Variants in PLBD1 observed in about 807,000 individuals in gnomAD.
The protein encoded by PLBD1 is phospholipase B domain containing 1.
A neutral mutation model predicts 63.0 loss-of-function variants in PLBD1; 60 were observed. The observed-to-expected ratio is 0.95, with a 90% CI of 0.77 to 1.18. PLBD1 has a LOEUF of 1.18. Ranked by LOEUF, PLBD1 falls within the 50% of genes most tolerant of loss-of-function variation. The pLI, the probability that PLBD1 is intolerant of heterozygous loss-of-function variation, is 0.00. For synonymous variants in PLBD1, 262 were observed against 248.0 expected, an observed-to-expected ratio of 1.06 and a Z score of -0.53; for missense variants, 598 against 677.9, an observed-to-expected ratio of 0.88 and a Z score of 1.31.
At chr12:14,562,034 CT>C (rs1342087751) in intron 1 of PLBD1, among the ~76,000 whole-genome samples, 2 of 152,192 alleles carry the variant, frequency 1.3e-5, no homozygotes, top group Non-Finnish European at 2.9e-5. Context: ...TTGACACTCC[CT>C]TATGCTGAAA....
At chr12:14,526,222 G>T (rs1365317665) in intron 6 of PLBD1, among the ~76,000 whole-genome samples, 3 of 152,128 alleles carry the variant, frequency 2.0e-5, no homozygotes, top group Non-Finnish European at 4.4e-5. Flanking sequence ...TGATTGAAAA[G>T]AAAGCAAAAT....
intron 6 of PLBD1, among the ~76,000 whole-genome samples, chr12:14,519,667 C>T (rs1048708421): frequency 4.0e-5 from 6 of 149,338 alleles, no homozygotes; most frequent in African/African-American, 1.5e-4. Flanking sequence ...ATAGCCCACA[C>T]AGAGAAAAGG....
Position 14,540,869 on chromosome 12 carries a change from T to A in PLBD1, c.453A>T (p.Lys151Asn), listed in dbSNP as rs192004603. Residue 151 changes from lysine (K) to asparagine (N), a missense_variant, in exon 4 of 11, where the codon AAA becomes AAT. Lys to Asn is a moderately conservative substitution (Grantham distance 94). Coordinates refer to ENST00000240617, the MANE Select transcript of PLBD1 (RefSeq NM_024829.6). The part of the protein sequence containing the change: ...KQDKWTRKNI[K>N]EYKTDSFWRH... ...TCCAAAATGAATCAGTCTTGTATTC[T>A]TTGATATTTTTCCGGGTCCACTTAT... 12 of 1,602,640 alleles carry A rather than the reference T, an allele frequency of 7.5e-6. No individual in the cohort carries two copies. In the Admixed American group the frequency reaches 1.8e-4, roughly 25 times the overall value.
chr12:14,504,332 G>C (rs1245793863), intron 10 of PLBD1, among the ~76,000 whole-genome samples: 2 of 152,210 alleles, frequency 1.3e-5, no homozygotes, highest in African/African-American at 2.4e-5. Flanking sequence ...TTACAGGCAT[G>C]AGCCACCGCG....
At chr12:14,544,001 C>A (rs893747707) in intron 2 of PLBD1, among the ~76,000 whole-genome samples, 4 of 102,490 alleles carry the variant, frequency 3.9e-5, no homozygotes, top group Non-Finnish European at 9.2e-5. Flanking sequence ...AAGATAATAT[C>A]TTGGTATCTT....
chr12:14,553,632 G>A (rs2302888), intron 1 of PLBD1: 179,756 of 584,750 alleles, frequency 0.31, 29,689 homozygotes, highest in South Asian at 0.49. Context: ...AAGGTCAAAG[G>A]TGGGGGTGTA....
At chr12:14,551,231 C>T (rs1022123491) in intron 2 of PLBD1, among the ~76,000 whole-genome samples, 2 of 151,834 alleles carry the variant, frequency 1.3e-5, no homozygotes, top group African/African-American at 4.8e-5. Flanking sequence ...GGTATGGTGG[C>T]GCGTACCTGT....
At chr12:14,538,632 T>G (rs1194659953) in intron 4 of PLBD1, among the ~76,000 whole-genome samples, 1 of 152,230 alleles carries the variant, frequency 6.6e-6, no homozygotes, top group Non-Finnish European at 1.5e-5. Context: ...CTTGGACGCT[T>G]CATTTTGCTT....
At position 14,528,393 on chromosome 12, in the gene PLBD1, C is replaced by G. The variant is rs551496840; in HGVS notation, c.844+7266G>C. On this transcript the variant is annotated intron_variant, in intron 6 of 10. Coordinates refer to ENST00000240617, the MANE Select transcript of PLBD1 (RefSeq NM_024829.6). ...AATCATACAGAATATGCTCTCTGAT[C>G]TCAGAATAAATTAGAAAATGCAATT... Among the ~76,000 whole-genome samples, 243 of 152,072 alleles carry G rather than the reference C, an allele frequency of 1.6e-3. 1 individual carries two copies. Among genetic ancestry groups the G allele is most frequent in the Middle Eastern group, 3.4e-3 (1 of 292 alleles).
intron 2 of PLBD1, among the ~76,000 whole-genome samples, chr12:14,544,002 T>G (rs1054128595): frequency 6.9e-5 from 7 of 101,764 alleles, no homozygotes; most frequent in African/African-American, 2.2e-4. Flanking sequence ...AGATAATATC[T>G]TGGTATCTTC....
At chr12:14,560,746 C>A (rs1219945273) in intron 1 of PLBD1, among the ~76,000 whole-genome samples, 2 of 152,148 alleles carry the variant, frequency 1.3e-5, no homozygotes, top group African/African-American at 4.8e-5. Context: ...GACTAAGATG[C>A]CTGCTGGAAG....
chr12:14,544,319 G>A (rs560638990), intron 2 of PLBD1, among the ~76,000 whole-genome samples: 2 of 152,234 alleles, frequency 1.3e-5, no homozygotes, highest in East Asian at 3.9e-4. Context: ...GACTACTGGC[G>A]TTTGCCACCA....
At chr12:14,514,445 G>A (rs143113823) in intron 6 of PLBD1, among the ~76,000 whole-genome samples, 175 of 152,310 alleles carry the variant, frequency 1.1e-3, no homozygotes, top group Non-Finnish European at 2.0e-3. Flanking sequence ...GAGGGCAGGC[G>A]TTCTTTAATA....
rs71669631 is a variant in PLBD1 at position 14,567,620 on chromosome 12, G to GGCAGCA, written c.71_76dup (p.Leu24_Leu25dup). On this transcript the variant is annotated inframe_insertion, in exon 1 of 11. Transcript: ENST00000240617. ...CGGCTCCGCGGTGACTAACAACAGC[G>GGCAGCA]GCAGCAGCAGCAGCAGCAGCAGAAG... 1 of 1,451,590 alleles carries GGCAGCA rather than the reference G, an allele frequency of 6.9e-7. No individual in the cohort carries two copies. The highest frequency in any genetic ancestry group is 9.1e-7 in the Non-Finnish European group (1 of 1,099,886). The allele number at this position is 1,451,590 out of a possible 1,614,324, so 89.9% of individuals were successfully genotyped here. A position where few individuals can be genotyped will look rare whatever the true frequency, so the allele number is the denominator to read the frequency against.
chr12:14,534,280 A>G (rs1225782848), intron 6 of PLBD1, among the ~76,000 whole-genome samples: 1 of 152,226 alleles, frequency 6.6e-6, no homozygotes, highest in Non-Finnish European at 1.5e-5. Context: ...GTTACAGTGT[A>G]TCCAGTTGAA....
At chr12:14,522,008 A>G (rs904617872) in intron 6 of PLBD1, among the ~76,000 whole-genome samples, 1 of 152,026 alleles carries the variant, frequency 6.6e-6, no homozygotes, top group Non-Finnish European at 1.5e-5. Flanking sequence ...AATATAATGG[A>G]AAGTTCCAAC....
chr12:14,560,810 T>A (rs1434136972), intron 1 of PLBD1, among the ~76,000 whole-genome samples: 2 of 151,480 alleles, frequency 1.3e-5, no homozygotes, highest in South Asian at 2.1e-4. Flanking sequence ...GCTGGGAGAG[T>A]GAAAGGGAGG....
In PLBD1 at chr12:14,506,257, CCTT is replaced by C. The variant is rs1228355343; in HGVS notation, c.1381_1383del (p.Lys461del). 1.2e-6 allele frequency: 2 copies of C among 1,606,936 alleles called. No homozygotes were observed. Among genetic ancestry groups the C allele is most frequent in the Non-Finnish European group, 1.7e-6 (2 of 1,174,842 alleles). ...CAGGGGTCACCTCTACTGTAAGGAT[CCTT>C]CTTATAATCTAGGAAACAGAAATGG... On this transcript the variant is annotated inframe_deletion, in exon 10 of 11. Transcript: ENST00000240617.
chr12:14,540,453 G>A (rs1164084554), intron 4 of PLBD1, among the ~76,000 whole-genome samples: 1 of 151,932 alleles, frequency 6.6e-6, no homozygotes, highest in African/African-American at 2.4e-5. Flanking sequence ...TGAGCATGCA[G>A]TCTAAAACAC....
Sources: gnomAD v4.1 joint callset for allele counts (sites outside exome capture counted in the v4.1 genomes callset) on GRCh38, gnomAD v4.1.1 for gene constraint, MANE v1.5 for transcripts, NCBI Gene and HGNC (gene_info 2026-07-23, HGNC 2026-07-21) for gene names.